SYNE1: variants seen among roughly 807,000 people sequenced by gnomAD.
The protein encoded by SYNE1 is nesprin-1.
SYNE1 carries 616 observed loss-of-function variants against 1,111.0 expected under a neutral mutation model. The observed-to-expected ratio is 0.55, with a 90% CI of 0.52 to 0.59. SYNE1 has a LOEUF of 0.59. SYNE1 is among the 20% of genes least tolerant of loss of function. The pLI is 0.00. For missense variants in SYNE1, 10,006 were observed against 10,417.0 expected, an observed-to-expected ratio of 0.96 and a Z score of 1.72; for synonymous variants, 3,855 against 3,825.8, an observed-to-expected ratio of 1.01 and a Z score of -0.28.
At chr6:152,424,112 G>C (rs538739504) in intron 39 of SYNE1, among the ~76,000 whole-genome samples, 12 of 152,032 alleles carry the variant, frequency 7.9e-5, no homozygotes, top group African/African-American at 2.9e-4. Flanking sequence ...CTGTATCCTC[G>C]GCACCTAAAA....
chr6:152,217,203 G>T (rs1234954961), intron 121 of SYNE1, among the ~76,000 whole-genome samples: 1 of 149,272 alleles, frequency 6.7e-6, no homozygotes, highest in Admixed American at 6.7e-5. Flanking sequence ...GACCATCCTG[G>T]CTAACATGAT....
chr6:152,331,776 T>A lies in SYNE1; in HGVS notation c.12909A>T (p.Ile4303=). Residue 4303 remains isoleucine (I), a synonymous_variant, in exon 78 of 146, where the codon ATA becomes ATT. Coordinates refer to ENST00000367255, the MANE Select transcript of SYNE1 (RefSeq NM_182961.4). ...CCTTGTCATCTAAATTCAGATGCTCTATCATTTTCTGCTTTTGATCTTTCA... is the reference window on the plus strand; with the variant it reads ...CCTTGTCATCTAAATTCAGATGCTCAATCATTTTCTGCTTTTGATCTTTCA... ...EDLKDQKQKM[I]EHLNLDDKEL... The A allele has an allele frequency of 4.3e-6, 7 of 1,614,242 alleles. No homozygotes were observed. Among genetic ancestry groups the A allele is most frequent in the Non-Finnish European group, 5.9e-6 (7 of 1,180,042 alleles).
chr6:152,510,272 T>A lies in SYNE1; in HGVS notation c.502A>T (p.Ser168Cys). The change falls in exon 8 of 146, where the codon AGT (serine) becomes TGT (cysteine). Residue 168 changes from serine to cysteine, a missense_variant. By Grantham distance (112) the Ser-to-Cys change is moderately radical. Transcript: ENST00000367255. ...IVSSETPSPP[S>C]KRKVTTKIQG... Reference sequence around the variant, plus strand: ...ATCTTGGTGGTCACCTTCCGTTTACTTGGTGGGCTGGGAGTCTCAGAGCTA... The same window carrying A: ...ATCTTGGTGGTCACCTTCCGTTTACATGGTGGGCTGGGAGTCTCAGAGCTA... 2 of 1,614,030 alleles carry A rather than the reference T, an allele frequency of 1.2e-6. No homozygotes were observed. Among genetic ancestry groups the A allele is most frequent in the Middle Eastern group, 3.3e-4 (2 of 6,062 alleles).
chr6:152,256,294 G>C (rs1292043900), intron 102 of SYNE1, among the ~76,000 whole-genome samples: 1 of 151,772 alleles, frequency 6.6e-6, no homozygotes, highest in African/African-American at 2.4e-5. Context: ...GCCAGGTGTG[G>C]TGGCACACGC....
In SYNE1 at chr6:152,325,289, A is replaced by G; in HGVS notation, c.15452T>C (p.Val5151Ala). ...KLSEHKALVS[V>A]VNSFHEKIVA... ...AATTTTCTCATGGAAAGAGTTAACCACTGACACTAAAGCCTAGGGTTGGGG... is the reference window on the plus strand; with the variant it reads ...AATTTTCTCATGGAAAGAGTTAACCGCTGACACTAAAGCCTAGGGTTGGGG... Residue 5151 changes from valine to alanine, a missense_variant, in exon 81 of 146, where the codon GTG becomes GCG. Physicochemically the swap from Val to Ala is moderately conservative, Grantham distance 64. Coordinates refer to ENST00000367255, the MANE Select transcript of SYNE1 (RefSeq NM_182961.4). 2 of 1,614,196 alleles carry G rather than the reference A, an allele frequency of 1.2e-6. No individual in the cohort carries two copies. Among genetic ancestry groups the G allele is most frequent in the Non-Finnish European group, 8.5e-7 (1 of 1,180,034 alleles).
intron 116 of SYNE1, 84 bp from the exon 117 acceptor site, chr6:152,224,748 C>T (rs1194059020): frequency 1.5e-6 from 2 of 1,354,466 alleles, no homozygotes; most frequent in African/African-American, 1.4e-5. Context: ...AAAATATTAA[C>T]ATCTAAGAAC....
chr6:152,281,444 C>G (rs2094024125), intron 97 of SYNE1, among the ~76,000 whole-genome samples: 1 of 152,166 alleles, frequency 6.6e-6, no homozygotes, highest in African/African-American at 2.4e-5. Flanking sequence ...AACAGAGCAC[C>G]TAGAGATACT....
intron 101 of SYNE1, 91 bp downstream of exon 101, chr6:152,261,941 T>C: frequency 8.9e-7 from 1 of 1,119,372 alleles, no homozygotes; most frequent in South Asian, 2.0e-5. Flanking sequence ...AAATTGATCA[T>C]GAAAATTAAG....
intron 95 of SYNE1, among the ~76,000 whole-genome samples, chr6:152,289,115 TA>T (rs1263129699): frequency 3.3e-5 from 5 of 152,174 alleles, no homozygotes; most frequent in South Asian, 2.1e-4. Context: ...TCACCTCAAT[TA>T]AAAAAAATTT....
rs2096248013 is a variant in SYNE1 at position 152,331,545 on chromosome 6, A to C, written c.13140T>G (p.Ala4380=). The stretch of plus-strand genomic sequence containing the variant: ...CCAGGTGATCCATGAGAAGGTTCTG[A>C]GCCATATCTGGAGGAGGGCTCTGCT... The part of the protein sequence containing the change: ...ALKQSPPPDM[A]QNLLMDHLAI... The change falls in exon 78 of 146, where the codon GCT becomes GCG. Residue 4380 remains alanine, a synonymous_variant. Coordinates refer to ENST00000367255, the MANE Select transcript of SYNE1 (RefSeq NM_182961.4). The C allele has an allele frequency of 6.2e-7, 1 of 1,614,120 alleles. No individual in the cohort carries two copies. The highest frequency in any genetic ancestry group is 1.7e-5 in the Admixed American group (1 of 60,016).
At chr6:152,125,295 A>G (rs1188779509) in intron 145 of SYNE1, 2 of 1,550,360 alleles carry the variant, frequency 1.3e-6, no homozygotes, top group Non-Finnish European at 1.7e-6. Flanking sequence ...AAAGAAGAGA[A>G]TCCTGAACTT....
chr6:152,360,306 C>T (rs528697949), intron 64 of SYNE1, among the ~76,000 whole-genome samples: 2 of 152,274 alleles, frequency 1.3e-5, no homozygotes, highest in South Asian at 4.1e-4. Flanking sequence ...CTGCCTGTTT[C>T]CTCACAGCTC....
chr6:152,218,492 T>C, intron 120 of SYNE1, 89 bp from the exon 121 acceptor site: 1 of 1,406,416 alleles, frequency 7.1e-7, no homozygotes, highest in Non-Finnish European at 9.9e-7. Context: ...AAGTGGATAT[T>C]AAAATTATTT....
intron 38 of SYNE1, among the ~76,000 whole-genome samples, chr6:152,426,430 GT>G (rs1166520774): frequency 6.6e-6 from 1 of 152,214 alleles, no homozygotes; most frequent in African/African-American, 2.4e-5. Flanking sequence ...GAGCCAGGAG[GT>G]AGGAATGCAC....
At chr6:152,518,595 C>G (rs2099124178) in intron 6 of SYNE1, among the ~76,000 whole-genome samples, 1 of 152,044 alleles carries the variant, frequency 6.6e-6, no homozygotes, top group South Asian at 2.1e-4. Flanking sequence ...AACCTCATTT[C>G]TTTATAAATT....
At chr6:152,530,282 T>A (rs2099190065) in intron 4 of SYNE1, among the ~76,000 whole-genome samples, 1 of 152,208 alleles carries the variant, frequency 6.6e-6, no homozygotes, top group African/African-American at 2.4e-5. Flanking sequence ...TCATCTAAAA[T>A]TAATTTTATT....
intron 34 of SYNE1, among the ~76,000 whole-genome samples, chr6:152,432,087 G>A (rs1241132551): frequency 6.6e-6 from 1 of 151,928 alleles, no homozygotes; most frequent in East Asian, 1.9e-4. Flanking sequence ...GTTGGATTGT[G>A]GTAAAAATAA....
chr6:152,436,067 T>C lies in SYNE1; in HGVS notation c.4184A>G (p.Gln1395Arg). 6.2e-7 allele frequency: 1 copy of C among 1,614,102 alleles called. No homozygotes were observed. Among genetic ancestry groups the C allele is most frequent in the Non-Finnish European group, 8.5e-7 (1 of 1,180,000 alleles). Residue 1395 changes from glutamine to arginine, a missense_variant, in exon 33 of 146, where the codon CAG becomes CGG. Physicochemically the swap from Gln to Arg is conservative, Grantham distance 43 (BLOSUM62 1). Around this residue, in one of 7 missense-constraint regions of SYNE1, gnomAD observed 1,971 missense variants for 2,084.1 expected, o/e 0.95. Coordinates refer to ENST00000367255, the MANE Select transcript of SYNE1 (RefSeq NM_182961.4). ...AGCTTCCTTTACAAGGTTCTCAGCC[T>C]GGACTGCAATACTTTCTGTCCGTTT... ...FSKRTESIAV[Q>R]AENLVKEASE...
intron 8 of SYNE1, among the ~76,000 whole-genome samples, chr6:152,506,978 T>G (rs1393179041): frequency 6.6e-6 from 1 of 152,212 alleles, no homozygotes; most frequent in Non-Finnish European, 1.5e-5. Flanking sequence ...TTGAGCTTGA[T>G]CATTGGCTTC....
Sources: allele counts gnomAD v4.1 joint callset (sites outside exome capture counted in the v4.1 genomes callset), GRCh38; gene constraint gnomAD v4.1.1; regional missense constraint gnomAD v4.1.1; transcripts MANE v1.5; gene names NCBI Gene and HGNC (gene_info 2026-07-23, HGNC 2026-07-21).